The following CXADR variants were observed in gnomAD, a reference collection of about 807,000 sequenced individuals.
The protein encoded by CXADR is coxsackievirus and adenovirus receptor.
A neutral mutation model predicts 40.3 loss-of-function variants in CXADR; 20 were observed. That is an observed-to-expected ratio of 0.50 (90% CI 0.35 to 0.72). CXADR has a LOEUF of 0.72. CXADR is among the 30% of genes least tolerant of loss of function. The pLI is 0.01. For missense variants in CXADR, 332 were observed against 449.1 expected, an observed-to-expected ratio of 0.74 and a Z score of 2.36; for synonymous variants, 150 against 161.3, an observed-to-expected ratio of 0.93 and a Z score of 0.53.
chr21:17,557,525 C>G (rs2061052290), intron 3 of CXADR, among the ~76,000 whole-genome samples: 1 of 152,150 alleles, frequency 6.6e-6, no homozygotes, highest in Non-Finnish European at 1.5e-5. Flanking sequence ...TTTGATAGAC[C>G]ACACACTTGC....
chr21:17,552,192 C>T (rs750909785), intron 3 of CXADR, among the ~76,000 whole-genome samples: 5 of 152,080 alleles, frequency 3.3e-5, no homozygotes, highest in South Asian at 2.1e-4. Flanking sequence ...AATAAGTGAA[C>T]GAGTATTATG....
the CXADR span, among the ~76,000 whole-genome samples, chr21:17,636,069 C>G: frequency 6.6e-6 from 1 of 152,134 alleles, no homozygotes; most frequent in Non-Finnish European, 1.5e-5. Context: ...ACATGGCAAA[C>G]TTTAATTTTA....
chr21:17,598,660 A>C, the CXADR span: 1 of 1,614,102 alleles, frequency 6.2e-7, no homozygotes, highest in South Asian at 1.1e-5. Flanking sequence ...ACTGGGTTTC[A>C]CTTCCATTTC....
intron 7 of CXADR, among the ~76,000 whole-genome samples, chr21:17,582,896 C>T (rs2061370971): frequency 1.3e-5 from 2 of 152,192 alleles, no homozygotes; most frequent in Admixed American, 1.3e-4. Context: ...TGGCACTGTG[C>T]TCTTTTAATG....
At chr21:17,586,831 G>A (rs1357160176) in intron 7 of CXADR, among the ~76,000 whole-genome samples, 1 of 152,042 alleles carries the variant, frequency 6.6e-6, no homozygotes, top group African/African-American at 2.4e-5. Flanking sequence ...TTGGTGTGCT[G>A]CACTCATTAA....
chr21:17,526,015 G>C (rs2060594354), intron 1 of CXADR, among the ~76,000 whole-genome samples: 1 of 152,172 alleles, frequency 6.6e-6, no homozygotes, highest in South Asian at 2.1e-4. Flanking sequence ...TTTTCCCCAT[G>C]TATTCAAATG....
At chr21:17,525,086 AGTGTGAGATCAGTGGTATG>A (rs1278624622) in intron 1 of CXADR, among the ~76,000 whole-genome samples, 1 of 152,198 alleles carries the variant, frequency 6.6e-6, no homozygotes, top group African/African-American at 2.4e-5. Flanking sequence ...TTTTAGGGTA[AGTGTGAGATCAGTGGTATG>A]GTTCAGTTTG....
intron 1 of CXADR, among the ~76,000 whole-genome samples, chr21:17,531,850 G>T (rs2060680246): frequency 6.6e-6 from 1 of 151,922 alleles, no homozygotes; most frequent in Non-Finnish European, 1.5e-5. Flanking sequence ...CTCCCTCCTT[G>T]TCTCCCGAAG....
the CXADR span, chr21:17,604,128 A>ATCAC: frequency 7.8e-7 from 1 of 1,285,392 alleles, no homozygotes. Context: ...ACCACGAAGT[A>ATCAC]TCACTCAGTC....
chr21:17,563,828 C>A (rs1326517073), intron 6 of CXADR, among the ~76,000 whole-genome samples: 1 of 149,350 alleles, frequency 6.7e-6, no homozygotes. Flanking sequence ...GTAGTCCCAG[C>A]CACTCGGGAG....
the CXADR span, among the ~76,000 whole-genome samples, chr21:17,619,977 G>A: frequency 1.3e-5 from 2 of 152,124 alleles, no homozygotes; most frequent in African/African-American, 2.4e-5. Context: ...TTTGGCATAA[G>A]GGAATGTTGT....
intron 7 of CXADR, among the ~76,000 whole-genome samples, chr21:17,579,773 A>G (rs549483099): frequency 6.6e-6 from 1 of 152,304 alleles, no homozygotes; most frequent in East Asian, 1.9e-4. Context: ...TTTGAATCAC[A>G]AACTTGTTAC....
chr21:17,583,840 C>G (rs2061376783), intron 7 of CXADR, among the ~76,000 whole-genome samples: 1 of 152,186 alleles, frequency 6.6e-6, no homozygotes. Flanking sequence ...AGAAAGACCT[C>G]ATTATGATCT....
At chr21:17,541,552 T>C (rs960029031) in intron 1 of CXADR, among the ~76,000 whole-genome samples, 1 of 151,276 alleles carries the variant, frequency 6.6e-6, no homozygotes, top group Non-Finnish European at 1.5e-5. Context: ...AGCAAGACTC[T>C]GTCTCAAAAA....
intron 2 of CXADR, among the ~76,000 whole-genome samples, chr21:17,550,037 A>T (rs1014514807): frequency 6.6e-6 from 1 of 152,142 alleles, no homozygotes; most frequent in African/African-American, 2.4e-5. Context: ...ATTGAGCGCA[A>T]CCTAGATGCA....
rs778561658 is a variant in CXADR, at chr21:17,561,374, T to A, written c.731T>A (p.Ile244Lys). 2.5e-6 allele frequency: 4 copies of A among 1,605,662 alleles called. No individual in the cohort carries two copies. The highest frequency in any genetic ancestry group is 2.6e-6 in the Non-Finnish European group (3 of 1,176,274). ...GCTGGACTAATTGCAGGAGCCATTA[T>A]AGGAACTTTGCTTGCTCTAGCGCTC... ...NKAGLIAGAI[I>K]GTLLALALIG... Residue 244 changes from isoleucine to lysine, a missense_variant, in exon 6 of 7, where the codon ATA becomes AAA. Ile to Lys is a moderately radical substitution (Grantham distance 102). Coordinates refer to ENST00000284878, the MANE Select transcript of CXADR (RefSeq NM_001338.5).
the CXADR span, among the ~76,000 whole-genome samples, chr21:17,606,139 A>G: frequency 6.6e-6 from 1 of 152,204 alleles, no homozygotes; most frequent in African/African-American, 2.4e-5. Flanking sequence ...TATGCAATGG[A>G]CAATTTCCTA....
At chr21:17,598,407 G>C (rs2061531044), downstream of CXADR, among the ~76,000 whole-genome samples, 1 of 152,080 alleles carries the variant, frequency 6.6e-6, no homozygotes, top group Non-Finnish European at 1.5e-5. Context: ...ATTTATCCTA[G>C]TTATTGTATA....
chr21:17,573,418 A>G (rs2061295498), downstream of CXADR, among the ~76,000 whole-genome samples: 1 of 152,198 alleles, frequency 6.6e-6, no homozygotes, highest in South Asian at 2.1e-4. Flanking sequence ...GTGCATTGGT[A>G]TAAAACATGT....
Sources: allele counts gnomAD v4.1 joint callset (sites outside exome capture counted in the v4.1 genomes callset), GRCh38; gene constraint gnomAD v4.1.1; transcripts MANE v1.5; gene names NCBI Gene and HGNC (gene_info 2026-07-23, HGNC 2026-07-21).